IP6K1: variants seen among roughly 807,000 people sequenced by gnomAD.
IP6K1 encodes inositol hexakisphosphate kinase 1.
In IP6K1, 13 loss-of-function variants were observed where a neutral mutation model predicts 38.3. The observed-to-expected ratio is 0.34, with a 90% CI of 0.22 to 0.54. The LOEUF (loss-of-function observed/expected upper bound fraction) is 0.54. IP6K1 is among the 20% of genes least tolerant of loss of function. IP6K1 has a pLI of 0.92. For synonymous variants in IP6K1, 212 were observed against 229.9 expected (o/e 0.92, Z 0.70); for missense variants, 397 against 599.8 (o/e 0.66, Z 3.53).
intron 1 of IP6K1, among the ~76,000 whole-genome samples, chr3:49,776,906 A>T (rs1428666574): frequency 6.6e-6 from 1 of 152,172 alleles, no homozygotes; most frequent in African/African-American, 2.4e-5. Flanking sequence ...GTTGACTGGA[A>T]AGGGAAATAA....
At chr3:49,764,808 G>A (rs916635186) in intron 1 of IP6K1, among the ~76,000 whole-genome samples, 1 of 151,926 alleles carries the variant, frequency 6.6e-6, no homozygotes, top group Non-Finnish European at 1.5e-5. Flanking sequence ...GAGCCTGGGA[G>A]GCGGAGGTTG....
chr3:49,738,562 A>C, intron 2 of IP6K1, 140 bp from the exon 3 acceptor site: 1 of 664,828 alleles, frequency 1.5e-6, no homozygotes, highest in Non-Finnish European at 2.7e-6. Flanking sequence ...TCAGAACAAC[A>C]GCCAGCAGAC....
rs140386162 is a variant in IP6K1, at chr3:49,770,740, C to G, written c.-129+15614G>C. Among the ~76,000 whole-genome samples the G allele has an allele frequency of 4.6e-4, 70 of 152,284 alleles. 1 individual carries two copies. In the South Asian group the frequency reaches 9.5e-3, roughly 21 times the overall value. On this transcript the variant is annotated intron_variant, in intron 1 of 5. Coordinates refer to ENST00000321599, the MANE Select transcript of IP6K1 (RefSeq NM_153273.4). ...GGTAGGCAAGGTGTCCTCAGACACT[C>G]AGACAGAACACAGAAAGCAATAACC...
chr3:49,781,110 A>T lies in IP6K1; in HGVS notation c.-129+5244T>A, dbSNP rs930075038. Among the ~76,000 whole-genome samples the T allele has an allele frequency of 3.3e-5, 5 of 150,706 alleles. No individual in the cohort carries two copies. In the South Asian group the frequency reaches 1.0e-3, roughly 32 times the overall value. ...GAGTTTCACTCTTGCTGCCCAGGCTAGAGTGCAGTGGCGCAATCTCAGCTC... is the reference window on the plus strand; with the variant it reads ...GAGTTTCACTCTTGCTGCCCAGGCTTGAGTGCAGTGGCGCAATCTCAGCTC... On this transcript the variant is annotated intron_variant, in intron 1 of 5. Transcript: ENST00000321599.
chr3:49,738,846 G>A (rs1444244004), intron 2 of IP6K1, among the ~76,000 whole-genome samples: 2 of 152,078 alleles, frequency 1.3e-5, no homozygotes, highest in Non-Finnish European at 2.9e-5. Context: ...GTCAGCCAAA[G>A]GGACATCAAC....
intron 1 of IP6K1, among the ~76,000 whole-genome samples, chr3:49,760,507 C>A (rs2080858793): frequency 6.6e-6 from 1 of 151,726 alleles, no homozygotes; most frequent in Non-Finnish European, 1.5e-5. Context: ...ACCTGTAATC[C>A]CAGCTACTCG....
intron 1 of IP6K1, among the ~76,000 whole-genome samples, chr3:49,763,263 C>T (rs371653081): frequency 2.3e-5 from 3 of 131,282 alleles, no homozygotes; most frequent in Admixed American, 7.4e-5. Context: ...GCCACACACC[C>T]GGCTAATTTT....
intron 1 of IP6K1, among the ~76,000 whole-genome samples, chr3:49,771,445 A>G (rs2080959384): frequency 6.6e-6 from 1 of 152,228 alleles, no homozygotes; most frequent in African/African-American, 2.4e-5. Flanking sequence ...AGTACAGGAA[A>G]AGGTGCTCAA....
chr3:49,737,393 C>CTGGT (rs2080622314), intron 3 of IP6K1, among the ~76,000 whole-genome samples: 1 of 152,122 alleles, frequency 6.6e-6, no homozygotes, highest in Non-Finnish European at 1.5e-5. Context: ...ATTATCAAGA[C>CTGGT]ACATAATTTG....
chr3:49,734,639 A>G (rs2080590888), intron 3 of IP6K1, among the ~76,000 whole-genome samples: 1 of 152,034 alleles, frequency 6.6e-6, no homozygotes, highest in South Asian at 2.1e-4. Context: ...AAAGTAGAGG[A>G]GCCCACCAGT....
intron 2 of IP6K1, among the ~76,000 whole-genome samples, chr3:49,740,689 C>G (rs767446479): frequency 6.6e-6 from 1 of 152,014 alleles, no homozygotes; most frequent in Admixed American, 6.6e-5. Flanking sequence ...GAACTTCATT[C>G]TTTTTTATGG....
intron 4 of IP6K1, among the ~76,000 whole-genome samples, chr3:49,729,338 TTTG>T (rs1418270034): frequency 1.3e-5 from 2 of 152,188 alleles, no homozygotes; most frequent in African/African-American, 2.4e-5. Flanking sequence ...CACAAACTTT[TTTG>T]TTGTTGTTTT....
At position 49,752,366 on chromosome 3, in the gene IP6K1, TA is replaced by T. The variant is rs549757157; in HGVS notation, c.-128-4199del. 5.9e-3 allele frequency among the ~76,000 whole-genome samples: 897 copies of T among 151,628 alleles called. 11 individuals are homozygous for T. Among genetic ancestry groups the T allele is most frequent in the African/African-American group, 0.021 (866 of 41,336 alleles). On this transcript the variant is annotated intron_variant, in intron 1 of 5. Transcript: ENST00000321599. The stretch of plus-strand genomic sequence containing the variant: ...AGACGGGTGTGGTGGCGGGCGCCTG[TA>T]GTCCCAGCTACTCGGGAGGCTGAGG...
intron 1 of IP6K1, chr3:49,775,457 G>A: frequency 2.0e-6 from 1 of 512,600 alleles, no homozygotes; most frequent in South Asian, 2.7e-5. Flanking sequence ...GGTGCCGTGT[G>A]ATCTGTGGAG....
Position 49,727,831 on chromosome 3 carries a change from G to A in IP6K1, c.793-176C>T, listed in dbSNP as rs536673162. ...GGGTTTTCCCATTGCAGAACCAAGA[G>A]AAAGCAATACCAGGCCTATGGGTTC... On this transcript the variant is annotated intron_variant, in intron 5 of 5. Transcript: ENST00000321599. The surrounding 1 kb of genome is among the most constrained non-coding windows in gnomAD (Gnocchi z 5.9). Among the ~76,000 whole-genome samples, 72 of 152,346 alleles carry A rather than the reference G, an allele frequency of 4.7e-4. No individual in the cohort carries two copies. The highest frequency in any genetic ancestry group is 1.7e-3 in the African/African-American group (69 of 41,584).
In IP6K1 at chr3:49,727,204, T is replaced by C. The variant is rs1352085173; in HGVS notation, c.1244A>G (p.His415Arg). Residue 415 changes from histidine (H) to arginine (R), a missense_variant, in exon 6 of 6, where the codon CAT (histidine) becomes CGT (arginine). This residue lies in a region of IP6K1 where 164 missense variants were observed against 213.5 expected (regional missense o/e 0.77). Coordinates refer to ENST00000321599, the MANE Select transcript of IP6K1 (RefSeq NM_153273.4). This position sits in a 1 kb window ranked among gnomAD's most constrained non-coding sequence, Gnocchi z 5.9. ...FKGFRDDPTV[H>R]DGPDRGYVFG... ...CACGTAGCCTCTGTCTGGCCCATCA[T>C]GCACGGTGGGGTCATCCCGGAAGCC... 6.2e-7 allele frequency: 1 copy of C among 1,614,178 alleles called. No homozygotes were observed. Among genetic ancestry groups the C allele is most frequent in the South Asian group, 1.1e-5 (1 of 91,076 alleles).
At chr3:49,779,830 T>G (rs962817755) in intron 1 of IP6K1, among the ~76,000 whole-genome samples, 15 of 152,132 alleles carry the variant, frequency 9.9e-5, no homozygotes, top group African/African-American at 3.6e-4. Flanking sequence ...AGAATACAGG[T>G]GAATGCCACT....
intron 3 of IP6K1, 138 bp from the exon 4 acceptor site, chr3:49,733,110 C>T: frequency 1.9e-6 from 1 of 535,780 alleles, no homozygotes; most frequent in South Asian, 3.0e-5. Context: ...TCCCATGAGC[C>T]AATAAAAATG....
Position 49,730,791 on chromosome 3 carries a change from A to T in IP6K1, c.616+2000T>A, listed in dbSNP as rs147329227. 4.8e-3 allele frequency among the ~76,000 whole-genome samples: 730 copies of T among 152,052 alleles called. 4 individuals are homozygous for T. The highest frequency in any genetic ancestry group is 0.017 in the African/African-American group (699 of 41,478). ...GAGTGCAATGGCGCAATCTTGGCTC[A>T]TCGCAACCTCCGCCTCTTGAGTTCA... is the stretch of plus-strand genomic sequence containing the variant. On this transcript the variant is annotated intron_variant, in intron 4 of 5. Transcript: ENST00000321599.
Sources: gnomAD v4.1 joint callset for allele counts (sites outside exome capture counted in the v4.1 genomes callset) on GRCh38, gnomAD v4.1.1 for gene constraint, gnomAD v4.1.1 regional missense constraint, Gnocchi (gnomAD v3.1) non-coding constraint, MANE v1.5 for transcripts, NCBI Gene and HGNC (gene_info 2026-07-23, HGNC 2026-07-21) for gene names.